The following C1QTNF7 variants were observed in gnomAD, a reference collection of about 807,000 sequenced individuals.
The protein encoded by C1QTNF7 is complement C1q tumor necrosis factor-related protein 7.
In C1QTNF7, 15 loss-of-function variants were observed where a neutral mutation model predicts 19.6. The observed-to-expected ratio is 0.76, with a 90% confidence interval of 0.51 to 1.18. C1QTNF7 has a LOEUF of 1.18. Ranked by LOEUF, C1QTNF7 falls within the 50% of genes most tolerant of loss-of-function variation. The pLI is 0.00. For synonymous variants in C1QTNF7, 142 were observed against 137.5 expected (o/e 1.03, Z -0.23); for missense variants, 324 against 359.7 (o/e 0.90, Z 0.80).
At chr4:15,387,931 G>T (rs964847759) in intron 1 of C1QTNF7, among the ~76,000 whole-genome samples, 4 of 152,178 alleles carry the variant, frequency 2.6e-5, no homozygotes, top group African/African-American at 9.7e-5. Context: ...AACTGCTCTA[G>T]TGATGTCATG....
intron 1 of C1QTNF7, among the ~76,000 whole-genome samples, chr4:15,434,292 G>A (rs1305551907): frequency 1.3e-5 from 2 of 151,986 alleles, no homozygotes; most frequent in Non-Finnish European, 2.9e-5. Context: ...AATCACATGT[G>A]CACACTGTGT....
intron 1 of C1QTNF7, among the ~76,000 whole-genome samples, chr4:15,401,303 T>A (rs967717202): frequency 1.3e-5 from 2 of 152,116 alleles, no homozygotes; most frequent in African/African-American, 2.4e-5. Context: ...AAAATCTGCA[T>A]CTTTAAGTGC....
intron 1 of C1QTNF7, among the ~76,000 whole-genome samples, chr4:15,382,075 G>A (rs183404737): frequency 1.9e-4 from 29 of 152,278 alleles, no homozygotes; most frequent in African/African-American, 6.7e-4. Context: ...TTCAGTGTTT[G>A]TTTCCAAGGG....
At chr4:15,370,626 T>C (rs1178158048) in intron 1 of C1QTNF7, among the ~76,000 whole-genome samples, 1 of 152,184 alleles carries the variant, frequency 6.6e-6, no homozygotes, top group Non-Finnish European at 1.5e-5. Context: ...ACTTACATTC[T>C]AGCCTTTGAA....
chr4:15,420,414 C>T (rs1711693428), intron 1 of C1QTNF7, among the ~76,000 whole-genome samples: 1 of 152,168 alleles, frequency 6.6e-6, no homozygotes, highest in African/African-American at 2.4e-5. Context: ...CAAAGACATG[C>T]ATTTCCTAGT....
In C1QTNF7 at chr4:15,443,776, C is replaced by T. The variant is rs1325551256; in HGVS notation, c.*977C>T. The T allele has an allele frequency of 6.6e-6, 1 of 152,298 alleles. No individual in the cohort carries two copies. The highest frequency in any genetic ancestry group is 2.4e-5 in the African/African-American group (1 of 41,556). 9.4% of individuals were successfully genotyped at this position (152,298 alleles called of 1,614,324 possible). A position where few individuals can be genotyped will look rare whatever the true frequency, so the allele number is the denominator to read the frequency against. On this transcript the variant is annotated 3_prime_UTR_variant, in exon 3 of 3. Transcript: ENST00000444304. ...TCTGAATCCTTTAGTGTGATGGTTT[C>T]CCAAGACAAACATTTGTCCTAATAG...
chr4:15,443,614 T>G lies in C1QTNF7; in HGVS notation c.*815T>G, dbSNP rs1178605363. Reference sequence around the variant, plus strand: ...GCAAAGGGAATGAGGAATTCAGCACTGCATTCTCTTTGCACCCTCAATGCA... The same window carrying G: ...GCAAAGGGAATGAGGAATTCAGCACGGCATTCTCTTTGCACCCTCAATGCA... On this transcript the variant is annotated 3_prime_UTR_variant, in exon 3 of 3. Coordinates refer to ENST00000444304, the MANE Select transcript of C1QTNF7 (RefSeq NM_031911.5). The G allele has an allele frequency of 6.6e-6, 1 of 152,220 alleles. No individual in the cohort carries two copies. The highest frequency in any genetic ancestry group is 1.5e-5 in the Non-Finnish European group (1 of 68,050). The allele number at this position is 152,220 out of a possible 1,614,324, so 9.4% of individuals were successfully genotyped here.
chr4:15,428,027 T>G, upstream of C1QTNF7: 11 of 985,338 alleles, frequency 1.1e-5, no homozygotes, highest in Non-Finnish European at 1.3e-5. Flanking sequence ...CCAAAGCAAG[T>G]TTTTCACTGA....
intron 1 of C1QTNF7, among the ~76,000 whole-genome samples, chr4:15,433,388 C>T (rs930706242): frequency 1.3e-5 from 2 of 151,974 alleles, no homozygotes; most frequent in Non-Finnish European, 2.9e-5. Flanking sequence ...GGGCCCTGCA[C>T]GCTCCAGGCC....
chr4:15,433,762 A>T (rs1284892405), intron 1 of C1QTNF7, among the ~76,000 whole-genome samples: 4 of 152,266 alleles, frequency 2.6e-5, no homozygotes, highest in African/African-American at 9.6e-5. Context: ...CAGGCCCCAA[A>T]GAGCTTGGCA....
At chr4:15,431,447 ACT>A (rs1560368860) in intron 1 of C1QTNF7, among the ~76,000 whole-genome samples, 1 of 152,046 alleles carries the variant, frequency 6.6e-6, no homozygotes, top group South Asian at 2.1e-4. Flanking sequence ...ATCGTTGCAT[ACT>A]CTTTTTTCTT....
chr4:15,373,769 C>G (rs1380581352), intron 1 of C1QTNF7: 1 of 152,174 alleles, frequency 6.6e-6, no homozygotes, highest in African/African-American at 2.4e-5. Flanking sequence ...TCTCCATATT[C>G]TATCTCATTT....
chr4:15,340,195 A>G, exon 1 of C1QTNF7: 1 of 1,551,660 alleles, frequency 6.4e-7, no homozygotes, highest in Non-Finnish European at 8.7e-7. Context: ...GATATCAGCA[A>G]TGTCCAGACA....
At chr4:15,432,157 TGAG>T (rs1712339337) in intron 1 of C1QTNF7, among the ~76,000 whole-genome samples, 1 of 152,086 alleles carries the variant, frequency 6.6e-6, no homozygotes, top group Non-Finnish European at 1.5e-5. Context: ...GCTGACAATG[TGAG>T]GAGAATAGAA....
At chr4:15,366,313 G>A (rs1717520763) in intron 1 of C1QTNF7, among the ~76,000 whole-genome samples, 2 of 152,136 alleles carry the variant, frequency 1.3e-5, no homozygotes, top group South Asian at 4.1e-4. Context: ...GGAAAATTAG[G>A]ATGGCTGGTC....
chr4:15,399,849 GAAGCCAGGC>G (rs1718921961), intron 1 of C1QTNF7, among the ~76,000 whole-genome samples: 1 of 152,208 alleles, frequency 6.6e-6, no homozygotes, highest in Non-Finnish European at 1.5e-5. Flanking sequence ...GTGCCCACTT[GAAGCCAGGC>G]ATTGCTCCAG....
intron 1 of C1QTNF7, among the ~76,000 whole-genome samples, chr4:15,394,425 A>G (rs752166146): frequency 5.9e-5 from 9 of 152,272 alleles, no homozygotes; most frequent in Non-Finnish European, 1.3e-4. Context: ...TATTCACCAC[A>G]TATTGTTTAG....
In C1QTNF7 at chr4:15,444,753, T is replaced by C. The variant is rs1023764803; in HGVS notation, c.*1954T>C. ...GGGATAGGGAAATCCTCTCTGCTCA[T>C]TGGGCCTTACATGATGGGTGACACT... On this transcript the variant is annotated 3_prime_UTR_variant, in exon 3 of 3. Coordinates refer to ENST00000444304, the MANE Select transcript of C1QTNF7 (RefSeq NM_031911.5). 5 of 152,216 alleles carry C rather than the reference T, an allele frequency of 3.3e-5. No individual in the cohort carries two copies. The highest frequency in any genetic ancestry group is 9.6e-5 in the African/African-American group (4 of 41,454). 9.4% of individuals were successfully genotyped at this position (152,216 alleles called of 1,614,324 possible). A position where few individuals can be genotyped will look rare whatever the true frequency, so the allele number is the denominator to read the frequency against.
chr4:15,430,448 G>A lies in C1QTNF7; in HGVS notation c.-9+2342G>A, dbSNP rs113804730. ...AAAAATACAAAAGTTAGCCAGGTGT[G>A]GTGGCACACACTTGTAGTCCCAGCT... is the stretch of plus-strand genomic sequence containing the variant. On this transcript the variant is annotated intron_variant, in intron 1 of 2. Transcript: ENST00000444304. 1.0e-3 allele frequency among the ~76,000 whole-genome samples: 157 copies of A among 152,246 alleles called. 1 individual carries two copies. The highest frequency in any genetic ancestry group is 3.6e-3 in the African/African-American group (149 of 41,556).
Sources: gnomAD v4.1 joint callset for allele counts (sites outside exome capture counted in the v4.1 genomes callset) on GRCh38, gnomAD v4.1.1 for gene constraint, MANE v1.5 for transcripts, NCBI Gene and HGNC (gene_info 2026-07-23, HGNC 2026-07-21) for gene names.